ARL15: variants seen among roughly 807,000 people sequenced by gnomAD.
The protein encoded by ARL15 is ARF like GTPase 15, also known as ADP-ribosylation factor-like protein 15.
Under a neutral mutation model 25.2 loss-of-function variants are expected in ARL15, and 19 were observed. That is an observed-to-expected ratio of 0.75 (90% CI 0.53 to 1.10). ARL15 has a LOEUF of 1.10. Ranked by LOEUF, ARL15 falls within the 50% of genes least tolerant of loss-of-function variation. ARL15 has a pLI of 0.00. For synonymous variants in ARL15, 94 were observed against 86.8 expected (o/e 1.08, Z -0.46); for missense variants, 220 against 246.0 (o/e 0.89, Z 0.71).
At position 53,933,617 on chromosome 5, in the gene ARL15, T is replaced by A. The variant is rs368815589; in HGVS notation, c.463-46904A>T. Among the ~76,000 whole-genome samples the A allele has an allele frequency of 4.5e-3, 561 of 124,546 alleles. 6 individuals carry two copies. Among genetic ancestry groups the A allele is most frequent in the African/African-American group, 0.017 (525 of 31,680 alleles). The allele number at this position is 124,546 out of a possible 152,430, so 81.7% of individuals were successfully genotyped here. On this transcript the variant is annotated intron_variant, in intron 4 of 4. Transcript: ENST00000504924. ...CCAAGATTGTGCCACTGCACTCCAG[T>A]CTGGGCGACAGAGCGAGACTGTCTC...
chr5:54,021,435 G>A (rs1470721946), intron 4 of ARL15, among the ~76,000 whole-genome samples: 1 of 152,084 alleles, frequency 6.6e-6, no homozygotes, highest in Non-Finnish European at 1.5e-5. Flanking sequence ...AAGATGTAAA[G>A]GATCAAATAT....
rs141903578 is a variant in ARL15, at chr5:54,266,155, C to A, written c.48+44277G>T. The stretch of plus-strand genomic sequence containing the variant: ...AGCAACATCTTTTGAGCCTAAGCAC[C>A]TTCACTAGTCCCAGAGTCATAGCAG... On this transcript the variant is annotated intron_variant, in intron 1 of 4. Coordinates refer to ENST00000504924, the MANE Select transcript of ARL15 (RefSeq NM_019087.3). Among the ~76,000 whole-genome samples, 596 of 152,308 alleles carry A rather than the reference C, an allele frequency of 3.9e-3. 4 individuals carry two copies. Among genetic ancestry groups the A allele is most frequent in the African/African-American group, 0.013 (532 of 41,572 alleles).
At chr5:53,898,861 C>T (rs747013668) in intron 4 of ARL15, among the ~76,000 whole-genome samples, 3 of 151,822 alleles carry the variant, frequency 2.0e-5, no homozygotes, top group Non-Finnish European at 2.9e-5. Flanking sequence ...ATCATGCTGC[C>T]CAGGCTGGTC....
chr5:54,144,526 T>G (rs571785510), intron 3 of ARL15, among the ~76,000 whole-genome samples: 2 of 152,366 alleles, frequency 1.3e-5, no homozygotes, highest in African/African-American at 4.8e-5. Flanking sequence ...TCTGAATGTC[T>G]TCTTCTGATC....
At chr5:54,049,723 C>T (rs989687396) in intron 4 of ARL15, among the ~76,000 whole-genome samples, 1 of 151,970 alleles carries the variant, frequency 6.6e-6, no homozygotes, top group African/African-American at 2.4e-5. Context: ...ACCACCACCA[C>T]GCCTCACTAA....
At chr5:54,077,337 T>C (rs1453729602) in intron 4 of ARL15, among the ~76,000 whole-genome samples, 2 of 152,084 alleles carry the variant, frequency 1.3e-5, no homozygotes, top group African/African-American at 2.4e-5. Context: ...CAGGCCCAAG[T>C]AGAAAATCAC....
intron 4 of ARL15, among the ~76,000 whole-genome samples, chr5:54,075,073 G>GAAAAAAGAAAAAAA (rs1751551897): frequency 1.6e-5 from 1 of 63,926 alleles, no homozygotes; most frequent in Non-Finnish European, 2.8e-5. Context: ...CAGAATACAG[G>GAAAAAAGAAAAAAA]AAAAAAAAAA....
chr5:53,994,804 T>C (rs964645919), intron 4 of ARL15, among the ~76,000 whole-genome samples: 3 of 152,172 alleles, frequency 2.0e-5, no homozygotes, highest in Non-Finnish European at 4.4e-5. Context: ...TTAGAGCCAT[T>C]TAAATGAAAA....
At chr5:54,050,608 C>T (rs888329484) in intron 4 of ARL15, among the ~76,000 whole-genome samples, 6 of 152,046 alleles carry the variant, frequency 3.9e-5, no homozygotes, top group Admixed American at 1.3e-4. Flanking sequence ...ATATTATGTG[C>T]GTGTGTCTAA....
At chr5:54,141,003 A>G (rs547314250) in intron 3 of ARL15, among the ~76,000 whole-genome samples, 74 of 152,322 alleles carry the variant, frequency 4.9e-4, no homozygotes, top group African/African-American at 1.8e-3. Context: ...ATGCAGAATC[A>G]CCAACACGAA....
At chr5:54,101,833 AACTTAT>A (rs1034339528) in intron 4 of ARL15, among the ~76,000 whole-genome samples, 3 of 152,164 alleles carry the variant, frequency 2.0e-5, no homozygotes, top group East Asian at 1.9e-4. Flanking sequence ...AAAATGTCCC[AACTTAT>A]ACTTAAAGAA....
intron 4 of ARL15, among the ~76,000 whole-genome samples, chr5:54,003,987 A>T (rs1321154511): frequency 2.0e-5 from 3 of 152,206 alleles, no homozygotes; most frequent in African/African-American, 7.2e-5. Flanking sequence ...AAATCTCTCC[A>T]TCTTTTCTGA....
At chr5:54,020,812 G>A (rs697101) in intron 4 of ARL15, among the ~76,000 whole-genome samples, 79,975 of 150,668 alleles carry the variant, frequency 0.53, 21,900 homozygotes, top group Admixed American at 0.6. Flanking sequence ...AAAATTAGCT[G>A]GCTGTGGTGG....
intron 1 of ARL15, among the ~76,000 whole-genome samples, chr5:54,221,305 G>T (rs912474188): frequency 1.3e-5 from 2 of 152,120 alleles, no homozygotes; most frequent in Admixed American, 1.3e-4. Flanking sequence ...TTTACACAGG[G>T]GCTTTCCTGG....
chr5:54,216,044 T>C (rs571134539), intron 1 of ARL15, among the ~76,000 whole-genome samples: 6 of 152,278 alleles, frequency 3.9e-5, no homozygotes, highest in African/African-American at 1.4e-4. Context: ...CAAAGCCAAT[T>C]TTTTTTGTCC....
intron 4 of ARL15, among the ~76,000 whole-genome samples, chr5:54,069,478 G>A (rs1180177996): frequency 2.8e-5 from 4 of 143,604 alleles, no homozygotes; most frequent in African/African-American, 7.7e-5. Context: ...GGCTTAGGCA[G>A]GAGAATCACT....
intron 4 of ARL15, among the ~76,000 whole-genome samples, chr5:53,991,541 T>G (rs1421199102): frequency 4.9e-5 from 1 of 20,282 alleles, no homozygotes; most frequent in Non-Finnish European, 8.0e-5. Context: ...AAACTCCATC[T>G]CAAAAAAAAA....
intron 4 of ARL15, among the ~76,000 whole-genome samples, chr5:53,986,700 A>G (rs58977090): frequency 0.083 from 12,686 of 152,270 alleles, 621 homozygotes; most frequent in African/African-American, 0.096. Flanking sequence ...ACAGAGACAG[A>G]GTTTCAACTT....
chr5:54,071,764 G>A (rs1751429841), intron 4 of ARL15, among the ~76,000 whole-genome samples: 1 of 152,010 alleles, frequency 6.6e-6, no homozygotes. Flanking sequence ...GAGGTCAGGA[G>A]ATCGAGACCA....
Sources: gnomAD v4.1 joint callset for allele counts (sites outside exome capture counted in the v4.1 genomes callset) on GRCh38, gnomAD v4.1.1 for gene constraint, MANE v1.5 for transcripts, NCBI Gene and HGNC (gene_info 2026-07-23, HGNC 2026-07-21) for gene names.